ZNF560: variants seen among roughly 807,000 people sequenced by gnomAD.
The protein encoded by ZNF560 is zinc finger protein 560.
In ZNF560, 54 loss-of-function variants were observed where a neutral mutation model predicts 81.8. That is an observed-to-expected ratio of 0.66 (90% confidence interval 0.53 to 0.83). The LOEUF (loss-of-function observed/expected upper bound fraction) is 0.83. Among genes scored for constraint, ZNF560 ranks in the 40% least tolerant of loss-of-function variants. The pLI is 0.00. For synonymous variants in ZNF560, 321 were observed against 317.9 expected, an observed-to-expected ratio of 1.01 and a Z score of -0.10; for missense variants, 940 against 932.4, an observed-to-expected ratio of 1.01 and a Z score of -0.11.
Position 9,467,345 on chromosome 19 carries a change from G to A in ZNF560, c.1602C>T (p.His534=), listed in dbSNP as rs1476489733. Residue 534 remains histidine (H), a synonymous_variant, in exon 10 of 10, where the codon CAC becomes CAT. Coordinates refer to ENST00000301480, the MANE Select transcript of ZNF560 (RefSeq NM_152476.3). ...GTCTCTCTTCTGTGTGAGTTCGCAT[G>A]TGAATACGAAGACAGGCAGAAGAGG... is the stretch of plus-strand genomic sequence containing the variant. ...PFTSSACLRI[H]MRTHTEERLY... The A allele has an allele frequency of 5.0e-6, 8 of 1,614,010 alleles. No individual in the cohort carries two copies. In the Admixed American group the frequency reaches 6.7e-5, roughly 13 times the overall value.
At position 9,497,610 on chromosome 19, in the gene ZNF560, A is replaced by G. The variant is rs531683753; in HGVS notation, c.-57+518T>C. Among the ~76,000 whole-genome samples the G allele has an allele frequency of 1.2e-3, 179 of 152,144 alleles. 1 individual carries two copies. Among genetic ancestry groups the G allele is most frequent in the African/African-American group, 4.0e-3 (167 of 41,510 alleles). Reference sequence around the variant, plus strand: ...CCCATTGACTCTCAAACTGTTCACCATAAAATTTATTTACGAGACGGCGAA... The same window carrying G: ...CCCATTGACTCTCAAACTGTTCACCGTAAAATTTATTTACGAGACGGCGAA... On this transcript the variant is annotated intron_variant, in intron 2 of 9. Transcript: ENST00000301480.
the ZNF560 span, among the ~76,000 whole-genome samples, chr19:9,451,899 A>C: frequency 6.6e-6 from 1 of 152,060 alleles, no homozygotes; most frequent in East Asian, 1.9e-4. Flanking sequence ...GCATGGTGAA[A>C]CCCCCATCTC....
chr19:9,500,440 A>G (rs1347608058), upstream of ZNF560, among the ~76,000 whole-genome samples: 3 of 151,840 alleles, frequency 2.0e-5, no homozygotes, highest in African/African-American at 4.8e-5. Context: ...GTTGAATAAC[A>G]ATAGAAAAAT....
rs913707729 is a variant in ZNF560 at position 9,471,281 on chromosome 19, C to T, written c.321+15G>A. On this transcript the variant is annotated intron_variant, in intron 6 of 9. Coordinates refer to ENST00000301480, the MANE Select transcript of ZNF560 (RefSeq NM_152476.3). Reference sequence around the variant, plus strand: ...CTGAGTGTGAAAAATAAGAAATACCCTTTCTTAACATTACCATTTGTATCC... The same window carrying T: ...CTGAGTGTGAAAAATAAGAAATACCTTTTCTTAACATTACCATTTGTATCC... 4 of 1,547,408 alleles carry T rather than the reference C, an allele frequency of 2.6e-6. No individual in the cohort carries two copies. The highest frequency in any genetic ancestry group is 2.3e-5 in the East Asian group (1 of 43,290).
Position 9,467,028 on chromosome 19 carries a change from G to A in ZNF560, c.1919C>T (p.Ser640Phe), listed in dbSNP as rs1333395330. 3 of 1,612,590 alleles carry A rather than the reference G, an allele frequency of 1.9e-6. No homozygotes were observed. The highest frequency in any genetic ancestry group is 2.5e-6 in the Non-Finnish European group (3 of 1,179,646). ...YKDCGKAFVV[S>F]SSLVDHLRTH... is the part of the protein sequence containing the mutation. ...TCTTAAATGATCAACTAGACTGGAG[G>A]AGACAACAAAGGCTTTCCCACAGTC... Residue 640 changes from serine to phenylalanine, a missense_variant, in exon 10 of 10, where the codon TCC (serine) becomes TTC (phenylalanine). Physicochemically the swap from Ser to Phe is radical, Grantham distance 155 (BLOSUM62 -2). Transcript: ENST00000301480.
intron 2 of ZNF560, among the ~76,000 whole-genome samples, chr19:9,491,119 T>C (rs115874017): frequency 6.6e-6 from 1 of 152,060 alleles, no homozygotes; most frequent in Non-Finnish European, 1.5e-5. Flanking sequence ...GTTGGTTTTG[T>C]TTTGTTTTTT....
chr19:9,465,945 G>C (rs1440174391), downstream of ZNF560, among the ~76,000 whole-genome samples: 1 of 152,128 alleles, frequency 6.6e-6, no homozygotes, highest in Non-Finnish European at 1.5e-5. Context: ...AGTGAGCCGA[G>C]ATCATGCTAC....
rs765634075 is a variant in ZNF560 at position 9,466,898 on chromosome 19, G to A, written c.2049C>T (p.Thr683=). 20 of 1,613,982 alleles carry A rather than the reference G, an allele frequency of 1.2e-5. No homozygotes were observed. The East Asian group carries it at 3.6e-4, about 29-fold the overall frequency. The change falls in exon 10 of 10, where the codon ACC becomes ACT. Residue 683 remains threonine, a synonymous_variant. Transcript: ENST00000301480. ...QHLKTHAAEK[T]SECNACGNSF... ...AATTTCCACATGCGTTACATTCAGA[G>A]GTCTTCTCTGCTGCATGAGTTTTTA...
chr19:9,446,304 C>T, the ZNF560 span, among the ~76,000 whole-genome samples: 20 of 151,356 alleles, frequency 1.3e-4, no homozygotes, highest in African/African-American at 4.6e-4. Flanking sequence ...TTCAGTGGGA[C>T]AGACAGGATA....
At chr19:9,450,088 C>G in the ZNF560 span, among the ~76,000 whole-genome samples, 17 of 150,670 alleles carry the variant, frequency 1.1e-4, no homozygotes, top group African/African-American at 3.4e-4. Context: ...GTCAGGAGTT[C>G]AAGACTAGCC....
chr19:9,474,407 T>C (rs1599657664), intron 3 of ZNF560, 82 bp from the exon 4 acceptor site: 1 of 1,488,046 alleles, frequency 6.7e-7, no homozygotes, highest in East Asian at 2.3e-5. Context: ...CAGACCCCAA[T>C]GCCTATAAAG....
intron 2 of ZNF560, among the ~76,000 whole-genome samples, chr19:9,483,280 G>A (rs1315142857): frequency 7.4e-5 from 11 of 149,574 alleles, no homozygotes; most frequent in East Asian, 2.0e-4. Flanking sequence ...CCGCCGCCCC[G>A]TCTGGGATGT....
chr19:9,470,984 ATATGAGAGG>A (rs1389127033), intron 6 of ZNF560, among the ~76,000 whole-genome samples: 3 of 152,320 alleles, frequency 2.0e-5, no homozygotes, highest in Admixed American at 2.0e-4. Context: ...TTCCTCACCA[ATATGAGAGG>A]TATGACTTTC....
At chr19:9,500,604 C>T (rs981623090), upstream of ZNF560, among the ~76,000 whole-genome samples, 5 of 151,756 alleles carry the variant, frequency 3.3e-5, no homozygotes, top group South Asian at 2.1e-4. Context: ...GAGACAATCT[C>T]GCTCTGTCAC....
At chr19:9,502,765 CT>C (rs1250898538), upstream of ZNF560, among the ~76,000 whole-genome samples, 1 of 152,096 alleles carries the variant, frequency 6.6e-6, no homozygotes, top group Non-Finnish European at 1.5e-5. Flanking sequence ...ATAGTATCCT[CT>C]TATAATCTTT....
the ZNF560 span, among the ~76,000 whole-genome samples, chr19:9,447,248 T>C: frequency 6.6e-6 from 1 of 152,114 alleles, no homozygotes; most frequent in Non-Finnish European, 1.5e-5. Flanking sequence ...TGACACAGAT[T>C]AGAAGCACAT....
chr19:9,494,324 C>T (rs2073522129), intron 2 of ZNF560, among the ~76,000 whole-genome samples: 1 of 152,060 alleles, frequency 6.6e-6, no homozygotes, highest in Non-Finnish European at 1.5e-5. Flanking sequence ...ATGCCAGTTA[C>T]CAAGTTATCC....
At chr19:9,502,921 A>G (rs1019195901), upstream of ZNF560, among the ~76,000 whole-genome samples, 1 of 152,176 alleles carries the variant, frequency 6.6e-6, no homozygotes, top group African/African-American at 2.4e-5. Flanking sequence ...ATTGATTCTC[A>G]TTGAATAGAT....
At chr19:9,452,312 G>T in the ZNF560 span, among the ~76,000 whole-genome samples, 1 of 152,174 alleles carries the variant, frequency 6.6e-6, no homozygotes, top group Non-Finnish European at 1.5e-5. Context: ...TACACTGTTG[G>T]TTGGAATGTA....
Sources: allele counts gnomAD v4.1 joint callset (sites outside exome capture counted in the v4.1 genomes callset), GRCh38; gene constraint gnomAD v4.1.1; transcripts MANE v1.5; gene names NCBI Gene and HGNC (gene_info 2026-07-23, HGNC 2026-07-21).